Variants in CNTLN observed in about 807,000 individuals in gnomAD.
The protein encoded by CNTLN is centlein.
CNTLN carries 212 observed loss-of-function variants against 180.0 expected under a neutral mutation model. The ratio of observed to expected loss-of-function variants is 1.18; its 90% CI spans 1.05 to 1.32. The LOEUF is 1.32. Ranked by LOEUF, CNTLN falls within the 40% of genes most tolerant of loss-of-function variation. CNTLN has a pLI of 0.00. For missense variants in CNTLN, 2,095 were observed against 1,610.9 expected, an observed-to-expected ratio of 1.30 and a Z score of -5.14; for synonymous variants, 722 against 563.1, an observed-to-expected ratio of 1.28 and a Z score of -3.99.
intron 10 of CNTLN, among the ~76,000 whole-genome samples, chr9:17,336,095 A>C (rs1225413583): frequency 6.6e-6 from 1 of 152,168 alleles, no homozygotes; most frequent in Non-Finnish European, 1.5e-5. Flanking sequence ...TATATTAATT[A>C]GTGATATAAA....
intron 13 of CNTLN, among the ~76,000 whole-genome samples, chr9:17,387,114 CAAAAG>C (rs1825739801): frequency 6.6e-6 from 1 of 152,104 alleles, no homozygotes. Context: ...TTTTCAAAGA[CAAAAG>C]AAATGCCTAA....
At chr9:17,309,813 T>G (rs1818998624) in intron 8 of CNTLN, among the ~76,000 whole-genome samples, 1 of 152,084 alleles carries the variant, frequency 6.6e-6, no homozygotes, top group South Asian at 2.1e-4. Context: ...CCTTTTTAGA[T>G]AATCTTCAGG....
chr9:17,515,827 C>A, the CNTLN span, among the ~76,000 whole-genome samples: 1 of 152,190 alleles, frequency 6.6e-6, no homozygotes, highest in Non-Finnish European at 1.5e-5. Context: ...ATTCACCACC[C>A]AGCTTTCATT....
chr9:17,337,038 T>G (rs1821093493), intron 10 of CNTLN, among the ~76,000 whole-genome samples: 1 of 152,204 alleles, frequency 6.6e-6, no homozygotes. Flanking sequence ...CTCATTGTGG[T>G]TTTGATTTCC....
chr9:17,513,242 A>T, the CNTLN span, among the ~76,000 whole-genome samples: 1 of 152,160 alleles, frequency 6.6e-6, no homozygotes. Flanking sequence ...AGGATGGAAA[A>T]GGCAAACTAT....
intron 13 of CNTLN, among the ~76,000 whole-genome samples, chr9:17,373,551 T>A (rs1202030057): frequency 1.3e-5 from 2 of 152,062 alleles, no homozygotes; most frequent in African/African-American, 2.4e-5. Context: ...AATGACCATA[T>A]TACCTAAAGC....
At chr9:17,427,283 CTTT>C (rs34174830) in intron 18 of CNTLN, among the ~76,000 whole-genome samples, 12 of 135,838 alleles carry the variant, frequency 8.8e-5, no homozygotes, top group Non-Finnish European at 1.1e-4. Context: ...GTTGCTGCTT[CTTT>C]TTTTTTTTTT....
At chr9:17,523,644 A>G in the CNTLN span, among the ~76,000 whole-genome samples, 1 of 152,154 alleles carries the variant, frequency 6.6e-6, no homozygotes. Flanking sequence ...CTTATGGATT[A>G]TTTGCTTTGT....
intron 2 of CNTLN, among the ~76,000 whole-genome samples, chr9:17,195,318 T>C (rs1396109327): frequency 6.6e-6 from 1 of 152,196 alleles, no homozygotes; most frequent in Non-Finnish European, 1.5e-5. Flanking sequence ...CCATGCTTAA[T>C]AATAATTTGA....
chr9:17,146,944 C>G (rs1188916181), intron 2 of CNTLN, among the ~76,000 whole-genome samples: 1 of 151,150 alleles, frequency 6.6e-6, no homozygotes, highest in African/African-American at 2.4e-5. Flanking sequence ...TCTTCCTAGT[C>G]TTTCTCTGTT....
chr9:17,310,156 T>C (rs1475018061), intron 8 of CNTLN, among the ~76,000 whole-genome samples: 2 of 152,188 alleles, frequency 1.3e-5, no homozygotes, highest in Non-Finnish European at 2.9e-5. Context: ...TCAACCAACT[T>C]ATCCAAAGAC....
chr9:17,449,445 T>G (rs915159100), intron 18 of CNTLN, among the ~76,000 whole-genome samples: 3 of 151,974 alleles, frequency 2.0e-5, no homozygotes, highest in Non-Finnish European at 4.4e-5. Flanking sequence ...TGTATACATA[T>G]GTAACTAACC....
chr9:17,181,265 C>G (rs1821108007), intron 2 of CNTLN, among the ~76,000 whole-genome samples: 1 of 152,150 alleles, frequency 6.6e-6, no homozygotes, highest in African/African-American at 2.4e-5. Context: ...CTGTTGTTCT[C>G]TTTTGCTTTT....
At chr9:17,357,479 A>C (rs545581676) in intron 12 of CNTLN, among the ~76,000 whole-genome samples, 2 of 150,794 alleles carry the variant, frequency 1.3e-5, no homozygotes, top group East Asian at 3.9e-4. Flanking sequence ...TATACATATG[A>C]TATTTATTTT....
chr9:17,444,266 G>T (rs1394666604), intron 18 of CNTLN: 4 of 152,166 alleles, frequency 2.6e-5, no homozygotes, highest in African/African-American at 2.4e-5. Flanking sequence ...CATTCTTATA[G>T]CTCTACCTCA....
At position 17,394,667 on chromosome 9, in the gene CNTLN, C is replaced by T; in HGVS notation, c.2213C>T (p.Thr738Ile). Reference protein sequence around the residue: ...LLKQQQEDTETREKELEQIIK... With the variant: ...LLKQQQEDTEIREKELEQIIK... ...AAACAGCAACAAGAAGATACAGAGA[C>T]CAGAGAAAAAGAGCTAGAACAGATA... Residue 738 changes from threonine (T) to isoleucine (I), a missense_variant, in exon 15 of 26, where the codon ACC becomes ATC. By Grantham distance (89) the Thr-to-Ile change is moderately conservative. Transcript: ENST00000380647. 6.2e-7 allele frequency: 1 copy of T among 1,612,130 alleles called. No individual in the cohort carries two copies. The highest frequency in any genetic ancestry group is 8.5e-7 in the Non-Finnish European group (1 of 1,179,174).
intron 2 of CNTLN, among the ~76,000 whole-genome samples, chr9:17,188,582 T>A (rs1320241768): frequency 6.6e-6 from 1 of 152,160 alleles, no homozygotes; most frequent in African/African-American, 2.4e-5. Flanking sequence ...AGTGAAAGGA[T>A]CTTAGGCAAT....
intron 20 of CNTLN, among the ~76,000 whole-genome samples, chr9:17,464,095 G>A (rs1353632018): frequency 6.6e-6 from 1 of 151,204 alleles, no homozygotes; most frequent in African/African-American, 2.4e-5. Flanking sequence ...ACAAGAGTTT[G>A]CATTTGTTTA....
chr9:17,357,317 AT>A (rs1478768129), intron 12 of CNTLN, among the ~76,000 whole-genome samples: 1 of 151,634 alleles, frequency 6.6e-6, no homozygotes, highest in Non-Finnish European at 1.5e-5. Flanking sequence ...TCTAATTTGT[AT>A]TTTGCTATAA....
Sources: allele counts gnomAD v4.1 joint callset (sites outside exome capture counted in the v4.1 genomes callset), GRCh38; gene constraint gnomAD v4.1.1; transcripts MANE v1.5; gene names NCBI Gene and HGNC (gene_info 2026-07-23, HGNC 2026-07-21).